Variants in STAB2 observed in about 807,000 individuals in gnomAD.
The protein encoded by STAB2 is stabilin 2, also known as stabilin-2.
A neutral mutation model predicts 338.1 loss-of-function variants in STAB2; 288 were observed. The ratio of observed to expected loss-of-function variants is 0.85; its 90% confidence interval spans 0.77 to 0.94. STAB2 has a LOEUF of 0.94. STAB2 is among the 40% of genes least tolerant of loss of function. The pLI is 0.00. For synonymous variants in STAB2, 1,202 were observed against 1,193.3 expected, an observed-to-expected ratio of 1.01 and a Z score of -0.15; for missense variants, 3,141 against 3,210.1, an observed-to-expected ratio of 0.98 and a Z score of 0.52.
rs551401668 is a variant in STAB2, at chr12:103,753,894, G to A, written c.6714+541G>A. Among the ~76,000 whole-genome samples the A allele has an allele frequency of 3.9e-5, 6 of 152,298 alleles. No homozygotes were observed. The East Asian group carries it at 1.2e-3, about 29-fold the overall frequency. On this transcript the variant is annotated intron_variant, in intron 61 of 68. Transcript: ENST00000388887. ...AGCTGGGGCTCTCTCTGGCTGGAGG[G>A]ACTGTGAAAAGAAAAAAGAGACTGC...
Position 103,740,738 on chromosome 12 carries a change from T to A in STAB2, c.5863T>A (p.Phe1955Ile). ...IQIPRCCKGY[F>I]GRDCQACPGG... is the part of the protein sequence containing the mutation. ...GATCCCCAGGTGCTGCAAGGGCTAC[T>A]TCGGGCGAGACTGTCAGGGTGAGGG... is the stretch of plus-strand genomic sequence containing the variant. The change falls in exon 55 of 69, where the codon TTC (phenylalanine) becomes ATC (isoleucine). Residue 1955 changes from phenylalanine (F) to isoleucine (I), a missense_variant. By Grantham distance (21) the Phe-to-Ile change is conservative. Transcript: ENST00000388887. The A allele has an allele frequency of 2.5e-6, 4 of 1,590,954 alleles. No individual in the cohort carries two copies. Among genetic ancestry groups the A allele is most frequent in the Non-Finnish European group, 3.4e-6 (4 of 1,171,858 alleles).
At chr12:103,763,174 G>A (rs1884668252) in intron 67 of STAB2, 1 of 267,046 alleles carries the variant, frequency 3.7e-6, no homozygotes, top group African/African-American at 2.2e-5. Context: ...CCACTTCAGG[G>A]TGATGGGAGT....
chr12:103,674,152 A>G, intron 23 of STAB2, 65 bp downstream of exon 23: 1 of 1,542,482 alleles, frequency 6.5e-7, no homozygotes, highest in Admixed American at 1.8e-5. Context: ...ATGGCACTTA[A>G]TGACGCTGTG....
intron 43 of STAB2, among the ~76,000 whole-genome samples, chr12:103,716,175 C>T (rs1880298471): frequency 6.6e-6 from 1 of 152,348 alleles, no homozygotes; most frequent in South Asian, 2.1e-4. Context: ...CCCTAAAATA[C>T]TCCACTTTCT....
At chr12:103,615,765 C>T (rs780821905) in intron 3 of STAB2, among the ~76,000 whole-genome samples, 12 of 152,262 alleles carry the variant, frequency 7.9e-5, no homozygotes, top group Middle Eastern at 3.4e-3. Flanking sequence ...GAAGCAGGCA[C>T]CTCTTCACAG....
At chr12:103,663,038 C>T in intron 18 of STAB2, 40 bp downstream of exon 18, 1 of 1,609,528 alleles carries the variant, frequency 6.2e-7, no homozygotes, top group Middle Eastern at 1.7e-4. Flanking sequence ...CCCAAACAGC[C>T]CCTCAGAGCA....
intron 63 of STAB2, among the ~76,000 whole-genome samples, chr12:103,756,970 G>A (rs1884144357): frequency 4.6e-5 from 6 of 130,950 alleles, no homozygotes; most frequent in Admixed American, 4.3e-4. Context: ...ACCTTCTCTG[G>A]GCCTCAGTAG....
chr12:103,666,254 AG>A, intron 18 of STAB2, 36 bp from the exon 19 acceptor site: 1 of 1,607,394 alleles, frequency 6.2e-7, no homozygotes, highest in South Asian at 1.1e-5. Context: ...TCCCTCTCAT[AG>A]GGACACCTGC....
chr12:103,661,217 CAAAAAAAA>C (rs10548393), intron 17 of STAB2, among the ~76,000 whole-genome samples: 3 of 106,070 alleles, frequency 2.8e-5, no homozygotes, highest in Non-Finnish European at 3.9e-5. Flanking sequence ...GAGTTCCAGA[CAAAAAAAA>C]AAAAAAAAAA....
chr12:103,762,168 GTATT>G, intron 66 of STAB2, 102 bp from the exon 67 acceptor site: 13 of 1,479,530 alleles, frequency 8.8e-6, no homozygotes, highest in Non-Finnish European at 1.0e-5. Flanking sequence ...TAACATGTCA[GTATT>G]TTTATCCCCA....
At chr12:103,663,137 T>C in intron 18 of STAB2, 139 bp downstream of exon 18, 1 of 1,086,316 alleles carries the variant, frequency 9.2e-7, no homozygotes, top group East Asian at 2.5e-5. Flanking sequence ...TCCGTCTTCA[T>C]GAAGATGCAG....
chr12:103,648,348 A>C (rs191695035), intron 9 of STAB2, among the ~76,000 whole-genome samples: 228 of 152,336 alleles, frequency 1.5e-3, no homozygotes, highest in Admixed American at 4.5e-3. Flanking sequence ...TCAGTCATGC[A>C]GTGGAGCCCT....
chr12:103,740,264 C>T (rs1404305946), intron 54 of STAB2, among the ~76,000 whole-genome samples: 3 of 152,122 alleles, frequency 2.0e-5, no homozygotes, highest in African/African-American at 7.2e-5. Context: ...CTAACTCATA[C>T]CCTCCCTGCC....
intron 24 of STAB2, among the ~76,000 whole-genome samples, chr12:103,676,507 G>GT (rs1325522287): frequency 6.6e-6 from 1 of 152,110 alleles, no homozygotes; most frequent in Non-Finnish European, 1.5e-5. Flanking sequence ...TTAACACAGG[G>GT]TCTCACTCTG....
chr12:103,697,186 T>C (rs1878482306), intron 33 of STAB2, among the ~76,000 whole-genome samples: 1 of 152,186 alleles, frequency 6.6e-6, no homozygotes, highest in Non-Finnish European at 1.5e-5. Flanking sequence ...ACACCATGTG[T>C]ACCCCCTTTC....
intron 56 of STAB2, 135 bp from the exon 57 acceptor site, chr12:103,745,038 C>A: frequency 4.3e-6 from 3 of 693,620 alleles, no homozygotes; most frequent in Non-Finnish European, 4.6e-6. Context: ...TTAGATGTTT[C>A]AATGAATGAA....
At position 103,762,357 on chromosome 12, in the gene STAB2, C is replaced by A; in HGVS notation, c.7443C>A (p.Ser2481=). The change falls in exon 67 of 69, where the codon TCC becomes TCA. Residue 2481 remains serine, a synonymous_variant. Transcript: ENST00000388887. ...GGGCTGTTGCCTTGGCTGCTTACTC[C>A]TACTTTCGGATAAACCGGAGAACAA... is the stretch of plus-strand genomic sequence containing the variant. The part of the protein sequence containing the change: ...VTGAVALAAY[S]YFRINRRTIG... 1.9e-6 allele frequency: 3 copies of A among 1,614,210 alleles called. No homozygotes were observed. The highest frequency in any genetic ancestry group is 2.5e-6 in the Non-Finnish European group (3 of 1,180,046).
chr12:103,697,440 A>T (rs1232686686), intron 33 of STAB2, among the ~76,000 whole-genome samples: 1 of 152,232 alleles, frequency 6.6e-6, no homozygotes, highest in Non-Finnish European at 1.5e-5. Context: ...ATGAAACTTC[A>T]GACAGTCCCA....
chr12:103,651,133 A>T (rs1873710094), intron 11 of STAB2, among the ~76,000 whole-genome samples: 1 of 152,168 alleles, frequency 6.6e-6, no homozygotes, highest in African/African-American at 2.4e-5. Flanking sequence ...CGTCCTATCG[A>T]GATGGCATCA....
Sources: allele counts gnomAD v4.1 joint callset (sites outside exome capture counted in the v4.1 genomes callset), GRCh38; gene constraint gnomAD v4.1.1; transcripts MANE v1.5; gene names NCBI Gene and HGNC (gene_info 2026-07-23, HGNC 2026-07-21).